The following MBD5 variants were observed in gnomAD, a reference collection of about 807,000 sequenced individuals.
The protein encoded by MBD5 is methyl-CpG binding domain protein 5, also known as methyl-CpG-binding domain protein 5.
MBD5 carries 13 observed loss-of-function variants against 117.3 expected under a neutral mutation model. The ratio of observed to expected loss-of-function variants is 0.11; its 90% CI spans 0.07 to 0.18. MBD5 has a LOEUF of 0.18. MBD5 is among the 10% of genes least tolerant of loss of function. The pLI, the probability that MBD5 is intolerant of heterozygous loss-of-function variation, is 1.00. For synonymous variants in MBD5, 727 were observed against 766.4 expected (o/e 0.95, Z 0.85); for missense variants, 1,879 against 2,093.8 (o/e 0.90, Z 2.00).
chr2:148,476,231 C>A (rs1680960051), intron 8 of MBD5, among the ~76,000 whole-genome samples: 1 of 152,286 alleles, frequency 6.6e-6, no homozygotes, highest in South Asian at 2.1e-4. Flanking sequence ...CAGAGCACAG[C>A]TCCATAGACC....
intron 3 of MBD5, among the ~76,000 whole-genome samples, chr2:148,328,256 G>A (rs1364784943): frequency 6.6e-6 from 1 of 152,168 alleles, no homozygotes; most frequent in African/African-American, 2.4e-5. Context: ...CTGTCAGACA[G>A]GGACATTTAA....
intron 3 of MBD5, among the ~76,000 whole-genome samples, chr2:148,283,616 A>G (rs1389025940): frequency 2.6e-5 from 4 of 152,140 alleles, no homozygotes; most frequent in Non-Finnish European, 4.4e-5. Flanking sequence ...GAACTAAACC[A>G]TTTATCCTTC....
chr2:148,209,981 A>G (rs1699379480), intron 2 of MBD5, among the ~76,000 whole-genome samples: 1 of 152,170 alleles, frequency 6.6e-6, no homozygotes, highest in Non-Finnish European at 1.5e-5. Flanking sequence ...GAGAGGACAA[A>G]TATCCAAACA....
chr2:148,445,836 G>A (rs892776444), intron 4 of MBD5, among the ~76,000 whole-genome samples: 11 of 151,408 alleles, frequency 7.3e-5, no homozygotes, highest in Non-Finnish European at 1.5e-4. Flanking sequence ...TCTAACTGGT[G>A]TGAGATGGTA....
intron 2 of MBD5, among the ~76,000 whole-genome samples, chr2:148,224,695 A>G (rs371835018): frequency 1.3e-5 from 2 of 151,636 alleles, no homozygotes; most frequent in African/African-American, 4.8e-5. Context: ...GCCTATCTCT[A>G]TCTTTAGCTC....
At chr2:148,512,784 T>G (rs1224662363) in intron 13 of MBD5, 86 bp from the exon 14 acceptor site, 1 of 1,228,662 alleles carries the variant, frequency 8.1e-7, no homozygotes, top group East Asian at 2.3e-5. Context: ...GTCTATTCCC[T>G]ACCCTGCTCC....
chr2:148,227,641 T>A (rs968935312), intron 2 of MBD5, among the ~76,000 whole-genome samples: 1 of 152,216 alleles, frequency 6.6e-6, no homozygotes, highest in African/African-American at 2.4e-5. Context: ...ATTTTTCCAA[T>A]TCTGTGAAGA....
intron 2 of MBD5, among the ~76,000 whole-genome samples, chr2:148,221,267 T>A (rs1699679033): frequency 1.3e-5 from 2 of 152,166 alleles, no homozygotes; most frequent in Admixed American, 1.3e-4. Flanking sequence ...ATACGCTGAT[T>A]TCTTTTGGGT....
chr2:148,365,299 A>G (rs1703662628), intron 4 of MBD5, among the ~76,000 whole-genome samples: 1 of 152,264 alleles, frequency 6.6e-6, no homozygotes, highest in Non-Finnish European at 1.5e-5. Flanking sequence ...AATGAGAACA[A>G]AGACACAACA....
chr2:148,322,721 C>A (rs985463997), intron 3 of MBD5, among the ~76,000 whole-genome samples: 1 of 152,034 alleles, frequency 6.6e-6, no homozygotes, highest in African/African-American at 2.4e-5. Flanking sequence ...TTAGTTTCAT[C>A]AGAATTCTTA....
intron 7 of MBD5, among the ~76,000 whole-genome samples, chr2:148,466,233 T>C (rs1184536470): frequency 1.3e-5 from 2 of 152,184 alleles, no homozygotes; most frequent in African/African-American, 4.8e-5. Flanking sequence ...TTCTGTTTAT[T>C]CTTTTGGAAG....
intron 2 of MBD5, among the ~76,000 whole-genome samples, chr2:148,180,672 A>G (rs1417144054): frequency 6.6e-6 from 1 of 152,026 alleles, no homozygotes; most frequent in East Asian, 1.9e-4. Flanking sequence ...ATGGGATTAC[A>G]TGCATGTGCC....
intron 4 of MBD5, among the ~76,000 whole-genome samples, chr2:148,391,236 T>C (rs962951483): frequency 6.6e-6 from 1 of 151,844 alleles, no homozygotes; most frequent in African/African-American, 2.4e-5. Context: ...AAAATGCTGA[T>C]TATTTTTAGA....
chr2:148,354,158 A>C (rs992753726), intron 4 of MBD5, among the ~76,000 whole-genome samples: 6 of 152,168 alleles, frequency 3.9e-5, no homozygotes, highest in Non-Finnish European at 8.8e-5. Flanking sequence ...GATATGCTAC[A>C]TAGGTATACA....
At chr2:148,241,247 G>C (rs967965774) in intron 3 of MBD5, among the ~76,000 whole-genome samples, 3 of 151,838 alleles carry the variant, frequency 2.0e-5, no homozygotes, top group Non-Finnish European at 2.9e-5. Flanking sequence ...TCTAGTGAAG[G>C]CTTGGTTTGA....
chr2:148,270,502 C>T (rs148290229), intron 3 of MBD5, among the ~76,000 whole-genome samples: 1 of 151,790 alleles, frequency 6.6e-6, no homozygotes, highest in African/African-American at 2.4e-5. Context: ...GATTCTCCTG[C>T]CTCAGCCTCC....
intron 3 of MBD5, among the ~76,000 whole-genome samples, chr2:148,245,006 A>T (rs972787318): frequency 6.6e-6 from 1 of 152,206 alleles, no homozygotes; most frequent in African/African-American, 2.4e-5. Flanking sequence ...CATGCTTTAC[A>T]AAATTATGAG....
rs926292436 is a variant in MBD5 at position 148,209,623 on chromosome 2, T to TAATG, written c.-830-23620_-830-23617dup. On this transcript the variant is annotated intron_variant, in intron 2 of 13. Transcript: ENST00000642680. ...TTATTTTTGCATTGCTATAACGGAA[T>TAATG]AATGAGACTGGCATTTATAAAGGAA... Among the ~76,000 whole-genome samples, 9 of 152,032 alleles carry TAATG rather than the reference T, an allele frequency of 5.9e-5. 1 individual carries two copies. Among genetic ancestry groups the TAATG allele is most frequent in the Admixed American group, 5.9e-4 (9 of 15,246 alleles).
intron 1 of MBD5, among the ~76,000 whole-genome samples, chr2:148,078,300 G>A (rs1407465613): frequency 6.6e-6 from 1 of 152,070 alleles, no homozygotes. Context: ...GCTCAGGTCT[G>A]TGACTCCAGT....
Sources: allele counts gnomAD v4.1 joint callset (sites outside exome capture counted in the v4.1 genomes callset), GRCh38; gene constraint gnomAD v4.1.1; transcripts MANE v1.5; gene names NCBI Gene and HGNC (gene_info 2026-07-23, HGNC 2026-07-21).